The following FSTL5 variants were observed in gnomAD, a reference collection of about 807,000 sequenced individuals.
FSTL5 encodes the protein follistatin-related protein 5.
A neutral mutation model predicts 89.1 loss-of-function variants in FSTL5; 62 were observed. That is an observed-to-expected ratio of 0.70 (90% CI 0.57 to 0.86). The LOEUF (loss-of-function observed/expected upper bound fraction) is 0.86, where lower values mean the gene tolerates loss of function less well. Ranked by LOEUF, FSTL5 falls within the 40% of genes least tolerant of loss-of-function variation. The pLI is 0.00. For synonymous variants in FSTL5, 383 were observed against 346.2 expected (o/e 1.11, Z -1.18); for missense variants, 1,057 against 1,001.6 (o/e 1.06, Z -0.75).
At chr4:161,926,171 T>C (rs1324385416) in intron 3 of FSTL5, among the ~76,000 whole-genome samples, 2 of 151,996 alleles carry the variant, frequency 1.3e-5, no homozygotes, top group East Asian at 3.9e-4. Flanking sequence ...AATCTTTTCA[T>C]GACCTGTAAT....
intron 13 of FSTL5, among the ~76,000 whole-genome samples, chr4:161,465,380 C>CA (rs1733716763): frequency 1.3e-5 from 2 of 152,066 alleles, no homozygotes; most frequent in South Asian, 4.1e-4. Flanking sequence ...TATATAATTA[C>CA]AAAAAAGCAT....
At chr4:161,886,423 CT>C (rs1732809444) in intron 4 of FSTL5, among the ~76,000 whole-genome samples, 1 of 152,164 alleles carries the variant, frequency 6.6e-6, no homozygotes, top group Admixed American at 6.5e-5. Flanking sequence ...CAGTGAACTA[CT>C]GTAATTTTCA....
chr4:161,418,282 G>T (rs1731854710), intron 15 of FSTL5, among the ~76,000 whole-genome samples: 1 of 151,996 alleles, frequency 6.6e-6, no homozygotes, highest in African/African-American at 2.4e-5. Context: ...CCCTGAACTT[G>T]AATTAGTGCG....
intron 4 of FSTL5, among the ~76,000 whole-genome samples, chr4:161,899,489 G>A (rs1733281399): frequency 6.6e-6 from 1 of 152,178 alleles, no homozygotes; most frequent in African/African-American, 2.4e-5. Flanking sequence ...ACACACAAGT[G>A]TCATCAAAAG....
intron 2 of FSTL5, among the ~76,000 whole-genome samples, chr4:162,084,322 A>G (rs1391334748): frequency 6.6e-6 from 1 of 152,022 alleles, no homozygotes; most frequent in African/African-American, 2.4e-5. Context: ...TTTATGATTA[A>G]ATAGGATTTT....
intron 6 of FSTL5, among the ~76,000 whole-genome samples, chr4:161,658,154 A>G (rs1350551755): frequency 6.6e-6 from 1 of 152,144 alleles, no homozygotes; most frequent in East Asian, 1.9e-4. Flanking sequence ...ATTTATTTCA[A>G]TGCTTCCTGA....
At chr4:162,003,582 G>T (rs1305223569) in intron 3 of FSTL5, among the ~76,000 whole-genome samples, 1 of 152,146 alleles carries the variant, frequency 6.6e-6, no homozygotes, top group African/African-American at 2.4e-5. Context: ...GAGAGGAAAG[G>T]TTAGTGTTTT....
intron 4 of FSTL5, among the ~76,000 whole-genome samples, chr4:161,893,274 A>G (rs923776687): frequency 2.6e-5 from 4 of 152,162 alleles, no homozygotes; most frequent in Non-Finnish European, 4.4e-5. Flanking sequence ...AGAAGCTCAA[A>G]TGGCTAAATA....
At chr4:161,611,160 A>G (rs182342094) in intron 7 of FSTL5, among the ~76,000 whole-genome samples, 64 of 147,356 alleles carry the variant, frequency 4.3e-4, no homozygotes, top group Admixed American at 2.5e-3. Context: ...ATGTGTGTGT[A>G]TATATATATG....
chr4:161,546,215 T>C (rs1033431247), intron 8 of FSTL5, among the ~76,000 whole-genome samples: 2 of 150,240 alleles, frequency 1.3e-5, no homozygotes, highest in African/African-American at 2.4e-5. Flanking sequence ...GTATAAAATA[T>C]AGAAAATACA....
At chr4:162,082,746 A>T (rs1033983577) in intron 2 of FSTL5, among the ~76,000 whole-genome samples, 1 of 151,532 alleles carries the variant, frequency 6.6e-6, no homozygotes, top group Non-Finnish European at 1.5e-5. Flanking sequence ...AAACATATAC[A>T]TCTTCTGATG....
intron 2 of FSTL5, among the ~76,000 whole-genome samples, chr4:162,091,282 G>A (rs1730540249): frequency 1.3e-5 from 2 of 152,156 alleles, no homozygotes; most frequent in African/African-American, 4.8e-5. Context: ...ACTAATTACT[G>A]TATACTGTTG....
chr4:161,670,563 T>C (rs1366620988), intron 6 of FSTL5, among the ~76,000 whole-genome samples: 1 of 152,228 alleles, frequency 6.6e-6, no homozygotes, highest in Non-Finnish European at 1.5e-5. Context: ...ACTTTAATAT[T>C]GTTTGCCTAA....
At chr4:161,472,819 G>T (rs1733995326) in intron 13 of FSTL5, among the ~76,000 whole-genome samples, 1 of 151,830 alleles carries the variant, frequency 6.6e-6, no homozygotes, top group Non-Finnish European at 1.5e-5. Flanking sequence ...CTGCCTCCTG[G>T]GTTCAAGCAA....
rs1429025215 is a variant in FSTL5 at position 161,501,490 on chromosome 4, A to G, written c.1340-1356T>C. ...ACTATTACTTTATTCATGTTTATAT[A>G]TAGTGTGCATACAATTTTTCTTTTA... On this transcript the variant is annotated intron_variant, in intron 11 of 15. Transcript: ENST00000306100. Among the ~76,000 whole-genome samples the G allele has an allele frequency of 2.6e-5, 4 of 152,042 alleles. No homozygotes were observed. In the East Asian group the frequency reaches 7.7e-4, roughly 29 times the overall value.
chr4:162,087,922 T>C lies in FSTL5; in HGVS notation c.126+23349A>G, dbSNP rs544120752. 8.9e-4 allele frequency among the ~76,000 whole-genome samples: 134 copies of C among 150,738 alleles called. 1 individual carries two copies. The highest frequency in any genetic ancestry group is 3.2e-3 in the African/African-American group (130 of 40,104). On this transcript the variant is annotated intron_variant, in intron 2 of 15. Transcript: ENST00000306100. The stretch of plus-strand genomic sequence containing the variant: ...AAAATAAATTGCTTTGTCACAGTTG[T>C]TGTAGTCATTCTTGGATTATGGATT...
At chr4:161,611,832 A>C (rs1734663736) in intron 7 of FSTL5, among the ~76,000 whole-genome samples, 1 of 152,218 alleles carries the variant, frequency 6.6e-6, no homozygotes, top group South Asian at 2.1e-4. Flanking sequence ...CAGAAAGCAA[A>C]GACCTGGGGA....
chr4:161,476,498 GT>G (rs1291735369), intron 13 of FSTL5, among the ~76,000 whole-genome samples: 1 of 151,948 alleles, frequency 6.6e-6, no homozygotes, highest in African/African-American at 2.4e-5. Context: ...AGCCACTGCT[GT>G]TTTTTTAATT....
rs1730545402 is a variant in FSTL5 at position 162,091,427 on chromosome 4, C to T, written c.126+19844G>A. Among the ~76,000 whole-genome samples the T allele has an allele frequency of 3.3e-5, 5 of 152,222 alleles. No individual in the cohort carries two copies. In the South Asian group the frequency reaches 1.0e-3, roughly 32 times the overall value. ...TGTGACTTAAACTAATATATTCTCT[C>T]TTAGTTAGGAGTATACCCAACTCAG... On this transcript the variant is annotated intron_variant, in intron 2 of 15. Transcript: ENST00000306100.
Sources: allele counts gnomAD v4.1 joint callset (sites outside exome capture counted in the v4.1 genomes callset), GRCh38; gene constraint gnomAD v4.1.1; transcripts MANE v1.5; gene names NCBI Gene and HGNC (gene_info 2026-07-23, HGNC 2026-07-21).